Variants in BCAR3 observed in about 807,000 individuals in gnomAD.
The protein encoded by BCAR3 is breast cancer anti-estrogen resistance protein 3.
A neutral mutation model predicts 80.1 loss-of-function variants in BCAR3; 37 were observed. That is an observed-to-expected ratio of 0.46 (90% CI 0.36 to 0.61). The LOEUF (loss-of-function observed/expected upper bound fraction) is 0.61, where lower values mean the gene tolerates loss of function less well. BCAR3 is among the 20% of genes least tolerant of loss of function. The pLI, the probability that BCAR3 is intolerant of heterozygous loss-of-function variation, is 0.00. For synonymous variants in BCAR3, 389 were observed against 418.9 expected, an observed-to-expected ratio of 0.93 and a Z score of 0.87; for missense variants, 978 against 1,068.2, an observed-to-expected ratio of 0.92 and a Z score of 1.18.
At chr1:93,674,505 C>T (rs1648369197) in intron 2 of BCAR3, 109 bp downstream of exon 2, 1 of 1,219,684 alleles carries the variant, frequency 8.2e-7, no homozygotes, top group Non-Finnish European at 1.1e-6. Context: ...CCATCTCAGC[C>T]TCCCAAAGTG....
At chr1:93,756,457 G>A (rs1479095060) in intron 2 of BCAR3, among the ~76,000 whole-genome samples, 1 of 152,188 alleles carries the variant, frequency 6.6e-6, no homozygotes, top group Non-Finnish European at 1.5e-5. Flanking sequence ...CCACCCTGGT[G>A]ACTAACCGAA....
intron 3 of BCAR3, among the ~76,000 whole-genome samples, chr1:93,703,923 C>T (rs1267193359): frequency 6.6e-6 from 1 of 152,222 alleles, no homozygotes; most frequent in Non-Finnish European, 1.5e-5. Context: ...CTATCTAATA[C>T]AGGAGCCACA....
At chr1:93,563,242 A>T (rs545496255) in intron 11 of BCAR3, among the ~76,000 whole-genome samples, 2 of 152,272 alleles carry the variant, frequency 1.3e-5, no homozygotes, top group Admixed American at 6.5e-5. Flanking sequence ...TCAACCACTG[A>T]TCTGCTTTCT....
intron 3 of BCAR3, among the ~76,000 whole-genome samples, chr1:93,610,394 G>T (rs191316346): frequency 6.6e-6 from 1 of 152,152 alleles, no homozygotes; most frequent in East Asian, 1.9e-4. Flanking sequence ...CTGAAATGCC[G>T]TCCCTATGCC....
intron 3 of BCAR3, among the ~76,000 whole-genome samples, chr1:93,610,854 G>C (rs760631839): frequency 5.3e-5 from 8 of 152,066 alleles, no homozygotes; most frequent in Non-Finnish European, 1.0e-4. Context: ...GGCTGAGACA[G>C]GAGAAGGCGG....
At chr1:93,789,980 T>C (rs1328804912) in intron 2 of BCAR3, among the ~76,000 whole-genome samples, 1 of 152,160 alleles carries the variant, frequency 6.6e-6, no homozygotes, top group Non-Finnish European at 1.5e-5. Context: ...CAAAAGTTAA[T>C]GGGAAGCCCT....
chr1:93,655,988 A>G (rs1264867827), intron 2 of BCAR3, among the ~76,000 whole-genome samples: 1 of 152,206 alleles, frequency 6.6e-6, no homozygotes, highest in Admixed American at 6.5e-5. Flanking sequence ...TTCGTGCAGG[A>G]CATTCTCTGT....
intron 2 of BCAR3, among the ~76,000 whole-genome samples, chr1:93,786,924 C>T (rs1206334125): frequency 1.3e-5 from 2 of 152,182 alleles, no homozygotes; most frequent in African/African-American, 2.4e-5. Flanking sequence ...GTTCCTCCAA[C>T]TGTGATTTTT....
chr1:93,674,144 G>C (rs1648349957), intron 2 of BCAR3, among the ~76,000 whole-genome samples: 1 of 152,204 alleles, frequency 6.6e-6, no homozygotes, highest in Non-Finnish European at 1.5e-5. Flanking sequence ...TACCAAAGGA[G>C]GGAAGTAGGT....
intron 2 of BCAR3, among the ~76,000 whole-genome samples, chr1:93,662,564 A>T (rs1557644881): frequency 6.6e-6 from 1 of 152,170 alleles, no homozygotes; most frequent in Non-Finnish European, 1.5e-5. Flanking sequence ...ATTGTCTAGA[A>T]GATTTTTTTA....
intron 2 of BCAR3, among the ~76,000 whole-genome samples, chr1:93,769,903 T>C (rs1309102855): frequency 6.6e-6 from 1 of 151,782 alleles, no homozygotes; most frequent in East Asian, 2.0e-4. Context: ...GGAGAGTTAC[T>C]TGATGAGGGT....
At chr1:93,745,337 A>AAAT (rs1170321620) in intron 2 of BCAR3, among the ~76,000 whole-genome samples, 2 of 152,256 alleles carry the variant, frequency 1.3e-5, no homozygotes, top group Admixed American at 6.5e-5. Context: ...ACCCTTCAGC[A>AAAT]AATGAACAAC....
At chr1:93,835,857 G>A (rs927639406) in intron 2 of BCAR3, among the ~76,000 whole-genome samples, 1 of 152,154 alleles carries the variant, frequency 6.6e-6, no homozygotes, top group African/African-American at 2.4e-5. Flanking sequence ...CTTTCCCACA[G>A]GGTCTGAGAA....
At position 93,582,445 on chromosome 1, in the gene BCAR3, G is replaced by A; in HGVS notation, c.1542C>T (p.Ser514=). The change falls in exon 7 of 12, where the codon TCC becomes TCT. Residue 514 remains serine, a synonymous_variant. Transcript: ENST00000260502. ...FVTPLLETVS[S]FRPNEFESKF... ...TTGACTCAAACTCGTTGGGCCTGAA[G>A]GAGGAGACAGTCTCCAGGAGGGGCG... 1 of 1,614,208 alleles carries A rather than the reference G, an allele frequency of 6.2e-7. No homozygotes were observed. Among genetic ancestry groups the A allele is most frequent in the Non-Finnish European group, 8.5e-7 (1 of 1,180,042 alleles).
At chr1:93,833,833 G>A (rs1654667397) in intron 2 of BCAR3, among the ~76,000 whole-genome samples, 1 of 152,122 alleles carries the variant, frequency 6.6e-6, no homozygotes, top group Admixed American at 6.5e-5. Flanking sequence ...GGGTCCTGAG[G>A]TGACATATAT....
At chr1:93,656,209 T>C (rs938812615) in intron 2 of BCAR3, among the ~76,000 whole-genome samples, 1 of 152,200 alleles carries the variant, frequency 6.6e-6, no homozygotes, top group Non-Finnish European at 1.5e-5. Flanking sequence ...GGTGAAGATT[T>C]ACCATTTCTC....
chr1:93,642,322 T>C lies in BCAR3; in HGVS notation c.339A>G (p.Pro113=). 6.2e-7 allele frequency: 1 copy of C among 1,613,874 alleles called. No individual in the cohort carries two copies. Among genetic ancestry groups the C allele is most frequent in the Non-Finnish European group, 8.5e-7 (1 of 1,179,728 alleles). ...FTFRDPHLLD[P]TVEYVKFSKE... Reference sequence around the variant, plus strand: ...TTCCTACCTTCACATATTCCACAGTTGGGTCCAGAAGATGTGGATCCCTGA... The same window carrying C: ...TTCCTACCTTCACATATTCCACAGTCGGGTCCAGAAGATGTGGATCCCTGA... Residue 113 remains proline, a synonymous_variant, in exon 3 of 12, where the codon CCA becomes CCG. Coordinates refer to ENST00000260502, the MANE Select transcript of BCAR3 (RefSeq NM_003567.4).
chr1:93,615,725 G>A (rs888511926), intron 3 of BCAR3, among the ~76,000 whole-genome samples: 2 of 152,166 alleles, frequency 1.3e-5, no homozygotes, highest in East Asian at 3.9e-4. Context: ...AGTTCAAAGG[G>A]TAAGTCCGTG....
intron 8 of BCAR3, among the ~76,000 whole-genome samples, chr1:93,573,424 T>C (rs996746300): frequency 4.0e-5 from 6 of 151,762 alleles, no homozygotes; most frequent in African/African-American, 1.5e-4. Flanking sequence ...TTAAAGTGCC[T>C]GGCACTGGCG....
Sources: gnomAD v4.1 joint callset for allele counts (sites outside exome capture counted in the v4.1 genomes callset) on GRCh38, gnomAD v4.1.1 for gene constraint, MANE v1.5 for transcripts, NCBI Gene and HGNC (gene_info 2026-07-23, HGNC 2026-07-21) for gene names.